LIMS4: variants seen among roughly 807,000 people sequenced by gnomAD.
LIMS4 encodes the protein LIM and senescent cell antigen-like-containing domain protein 4.
At chr2:110,360,598 G>T in the LIMS4 span, 9 of 1,004,554 alleles carry the variant, frequency 9.0e-6, no homozygotes, top group Non-Finnish European at 1.0e-5. Flanking sequence ...CTCATGGAGC[G>T]TCTGTGGCTA....
chr2:110,392,065 A>G, the LIMS4 span, among the ~76,000 whole-genome samples: 7 of 152,040 alleles, frequency 4.6e-5, no homozygotes, highest in Admixed American at 4.6e-4. Flanking sequence ...CAGCACATTG[A>G]CTTTGCGAAA....
chr2:110,367,705 C>T, the LIMS4 span, among the ~76,000 whole-genome samples: 1 of 146,740 alleles, frequency 6.8e-6, no homozygotes, highest in East Asian at 2.0e-4. Context: ...GGTGAAACCC[C>T]ACGTTTACCA....
the LIMS4 span, chr2:110,360,666 G>A: frequency 4.2e-5 from 65 of 1,564,654 alleles, no homozygotes; most frequent in Non-Finnish European, 5.5e-5. Context: ...GTGTCTGCAT[G>A]TGAGTTTTTA....
At chr2:110,387,931 A>G in the LIMS4 span, 1 of 150,816 alleles carries the variant, frequency 6.6e-6, no homozygotes. Context: ...TTTAGGGATC[A>G]GTATTTCTTT....
chr2:110,368,968 T>C, the LIMS4 span, among the ~76,000 whole-genome samples: 1 of 119,282 alleles, frequency 8.4e-6, no homozygotes, highest in Non-Finnish European at 1.7e-5. Context: ...CCCAGAAGCA[T>C]GGAGTGGCCA....
At chr2:110,425,711 A>G in the LIMS4 span, among the ~76,000 whole-genome samples, 1 of 140,730 alleles carries the variant, frequency 7.1e-6, no homozygotes, top group South Asian at 2.2e-4. Context: ...GGATGAAGAG[A>G]ACTGCAAGGA....
At chr2:110,366,072 C>A in the LIMS4 span, among the ~76,000 whole-genome samples, 1 of 150,730 alleles carries the variant, frequency 6.6e-6, no homozygotes, top group Non-Finnish European at 1.5e-5. Flanking sequence ...CAAGAAAAAG[C>A]CCAGGATCAG....
the LIMS4 span, among the ~76,000 whole-genome samples, chr2:110,391,745 T>TAAAAAAAA: frequency 7.8e-6 from 1 of 128,828 alleles, no homozygotes. Context: ...GGCTGCCTAC[T>TAAAAAAAA]ACATAGGCAA....
the LIMS4 span, among the ~76,000 whole-genome samples, chr2:110,419,655 AC>A: frequency 9.6e-5 from 3 of 31,280 alleles, no homozygotes; most frequent in African/African-American, 1.1e-3. Context: ...AACAACAACA[AC>A]AAAAAAAAAA....
the LIMS4 span, chr2:110,375,901 G>A: frequency 1.8e-5 from 1 of 56,846 alleles, no homozygotes; most frequent in Admixed American, 2.0e-4. Context: ...GTTTTCTATT[G>A]CTGCTGCAAC....
At chr2:110,395,683 C>T in the LIMS4 span, among the ~76,000 whole-genome samples, 141 of 50,770 alleles carry the variant, frequency 2.8e-3, 2 homozygotes, top group Middle Eastern at 0.025. Context: ...CCAAGGGTCG[C>T]TTTCCAGAGT....
At chr2:110,366,825 TAAAC>T in the LIMS4 span, among the ~76,000 whole-genome samples, 1 of 151,354 alleles carries the variant, frequency 6.6e-6, no homozygotes, top group African/African-American at 2.5e-5. Context: ...CTAGATCTAA[TAAAC>T]AACTTCAGCA....
chr2:110,387,842 GA>G, the LIMS4 span: 1 of 152,362 alleles, frequency 6.6e-6, no homozygotes, highest in African/African-American at 2.4e-5. Context: ...ATTTTATCAG[GA>G]TTTTTTTTTA....
chr2:110,402,431 AG>A, the LIMS4 span, among the ~76,000 whole-genome samples: 7 of 144,194 alleles, frequency 4.9e-5, no homozygotes, highest in Non-Finnish European at 9.2e-5. Context: ...GTAGGGTGTA[AG>A]AACATTTGTT....
chr2:110,425,642 G>T, the LIMS4 span, among the ~76,000 whole-genome samples: 241 of 142,628 alleles, frequency 1.7e-3, 32 homozygotes, highest in East Asian at 0.045. Context: ...ACAGGGGAGA[G>T]GAGACATTTG....
At chr2:110,378,924 T>C in the LIMS4 span, among the ~76,000 whole-genome samples, 360 of 146,360 alleles carry the variant, frequency 2.5e-3, no homozygotes, top group Non-Finnish European at 3.9e-3. Context: ...AATAAAGCTC[T>C]CTTTTCTAAA....
the LIMS4 span, among the ~76,000 whole-genome samples, chr2:110,425,087 G>GT: frequency 2.8e-5 from 4 of 142,422 alleles, 2 homozygotes; most frequent in African/African-American, 1.2e-4. Flanking sequence ...TTTAAGAGCT[G>GT]TAACACTCAC....
the LIMS4 span, among the ~76,000 whole-genome samples, chr2:110,392,446 A>AAAGAAAG: frequency 8.7e-4 from 112 of 128,500 alleles, no homozygotes; most frequent in African/African-American, 2.4e-3. Flanking sequence ...CAAAAAAAAA[A>AAAGAAAG]AAAGAAAGAA....
At chr2:110,411,158 G>A in the LIMS4 span, among the ~76,000 whole-genome samples, 18 of 55,636 alleles carry the variant, frequency 3.2e-4, no homozygotes, top group Non-Finnish European at 4.9e-4. Flanking sequence ...CGCCTACCTC[G>A]GCCTCCCAAA....
Sources: gnomAD v4.1 joint callset for allele counts (sites outside exome capture counted in the v4.1 genomes callset) on GRCh38, gnomAD v4.1.1 for gene constraint, MANE v1.5 for transcripts, NCBI Gene and HGNC (gene_info 2026-07-23, HGNC 2026-07-21) for gene names.